Variants in FBXL17 observed in about 807,000 individuals in gnomAD.
The protein encoded by FBXL17 is F-box and leucine rich repeat protein 17, also known as F-box/LRR-repeat protein 17.
In FBXL17, 22 loss-of-function variants were observed where a neutral mutation model predicts 66.2. That is an observed-to-expected ratio of 0.33 (90% CI 0.24 to 0.47). The LOEUF (loss-of-function observed/expected upper bound fraction) is 0.47, where lower values mean the gene tolerates loss of function less well. Ranked by LOEUF, FBXL17 falls within the 20% of genes least tolerant of loss-of-function variation. FBXL17 has a pLI of 1.00. For missense variants in FBXL17, 878 were observed against 948.2 expected, an observed-to-expected ratio of 0.93 and a Z score of 0.97; for synonymous variants, 474 against 400.5, an observed-to-expected ratio of 1.18 and a Z score of -2.19.
intron 7 of FBXL17, among the ~76,000 whole-genome samples, chr5:107,890,357 T>TAAAA (rs397961122): frequency 7.1e-6 from 1 of 141,528 alleles, no homozygotes. Flanking sequence ...GGTCTCAGAT[T>TAAAA]AAAAAAAAAA....
intron 7 of FBXL17, among the ~76,000 whole-genome samples, chr5:107,902,819 G>GTT (rs199624265): frequency 1.4e-5 from 2 of 145,316 alleles, no homozygotes; most frequent in South Asian, 2.2e-4. Flanking sequence ...TGCACAAAGT[G>GTT]TTTTTTTTTT....
intron 6 of FBXL17, among the ~76,000 whole-genome samples, chr5:108,116,178 G>A (rs955694508): frequency 6.6e-6 from 1 of 152,152 alleles, no homozygotes; most frequent in Non-Finnish European, 1.5e-5. Flanking sequence ...AAGGAGCATA[G>A]TAAGGGTTTC....
In FBXL17 at chr5:108,381,113, G is replaced by A; in HGVS notation, c.579C>T (p.Pro193=). 7.6e-7 allele frequency: 1 copy of A among 1,310,538 alleles called. No homozygotes were observed. The highest frequency in any genetic ancestry group is 9.7e-7 in the Non-Finnish European group (1 of 1,031,270). The allele number at this position is 1,310,538 out of a possible 1,614,324, so 81.2% of individuals were successfully genotyped here. ...TPSPAELPTP[P]EMVCKRKGAG... ...CCCCCTTCCGCTTGCACACCATTTCGGGGGGCGTAGGGAGCTCGGCCGGTG... is the reference window on the plus strand; with the variant it reads ...CCCCCTTCCGCTTGCACACCATTTCAGGGGGCGTAGGGAGCTCGGCCGGTG... Residue 193 remains proline (P), a synonymous_variant, in exon 1 of 9, where the codon CCC becomes CCT. Transcript: ENST00000542267.
chr5:108,182,032 C>T (rs1753025349), intron 6 of FBXL17, among the ~76,000 whole-genome samples: 1 of 152,108 alleles, frequency 6.6e-6, no homozygotes, highest in Admixed American at 6.5e-5. Context: ...TGTAAAGTGC[C>T]TATCAATTAC....
At chr5:107,922,206 T>C (rs994499246) in intron 7 of FBXL17, among the ~76,000 whole-genome samples, 1 of 152,192 alleles carries the variant, frequency 6.6e-6, no homozygotes, top group Non-Finnish European at 1.5e-5. Context: ...GTCACTAATA[T>C]GTATGAAAGT....
intron 4 of FBXL17, among the ~76,000 whole-genome samples, chr5:108,276,896 C>A (rs1757503652): frequency 6.6e-6 from 1 of 151,908 alleles, no homozygotes; most frequent in South Asian, 2.1e-4. Context: ...AAAACATAAG[C>A]CAATGCATAC....
At chr5:108,197,220 G>A (rs1275560755) in intron 5 of FBXL17, among the ~76,000 whole-genome samples, 1 of 152,088 alleles carries the variant, frequency 6.6e-6, no homozygotes, top group Non-Finnish European at 1.5e-5. Context: ...TACCCAGCAG[G>A]AGCTAAGAAT....
intron 7 of FBXL17, among the ~76,000 whole-genome samples, chr5:107,936,009 C>A (rs1750897332): frequency 6.6e-6 from 1 of 152,142 alleles, no homozygotes; most frequent in Non-Finnish European, 1.5e-5. Context: ...AAACTTACAA[C>A]ACTCAGTCAA....
intron 3 of FBXL17, among the ~76,000 whole-genome samples, chr5:108,350,204 C>G (rs567178067): frequency 6.6e-6 from 1 of 152,272 alleles, no homozygotes; most frequent in East Asian, 1.9e-4. Flanking sequence ...GCTAAAAATA[C>G]TAGAATTCTT....
intron 6 of FBXL17, among the ~76,000 whole-genome samples, chr5:108,119,182 T>G (rs1054185849): frequency 2.2e-4 from 34 of 152,226 alleles, no homozygotes; most frequent in African/African-American, 7.7e-4. Context: ...AGCCTCTTAT[T>G]ACTCTTGTTA....
chr5:107,982,973 G>A (rs1752881139), intron 7 of FBXL17, among the ~76,000 whole-genome samples: 1 of 152,086 alleles, frequency 6.6e-6, no homozygotes, highest in South Asian at 2.1e-4. Flanking sequence ...TGGGGAGTTC[G>A]CTAAGATTTT....
At chr5:108,020,844 C>T in intron 7 of FBXL17, 81 bp downstream of exon 7, 2 of 1,000,594 alleles carry the variant, frequency 2.0e-6, no homozygotes, top group Admixed American at 1.7e-5. Flanking sequence ...TGATATAGTT[C>T]TTGATTTCTT....
intron 4 of FBXL17, among the ~76,000 whole-genome samples, chr5:108,321,788 AG>A (rs1759631647): frequency 6.6e-6 from 1 of 151,870 alleles, no homozygotes; most frequent in South Asian, 2.1e-4. Context: ...ATGACAAACA[AG>A]AAAAAAAATT....
chr5:108,281,905 C>T (rs1048359399), intron 4 of FBXL17, among the ~76,000 whole-genome samples: 1 of 151,516 alleles, frequency 6.6e-6, no homozygotes, highest in Non-Finnish European at 1.5e-5. Flanking sequence ...AACTAGAAAA[C>T]CCAGAGGAAA....
At chr5:108,063,506 T>C (rs1235410855) in intron 6 of FBXL17, among the ~76,000 whole-genome samples, 1 of 152,090 alleles carries the variant, frequency 6.6e-6, no homozygotes, top group Admixed American at 6.6e-5. Context: ...CTGCTGCAGC[T>C]CTCCCACCCT....
In FBXL17 at chr5:108,177,911, G is replaced by GTATATATATATATA. The variant is rs70996985; in HGVS notation, c.1745+8192_1745+8205dup. Among the ~76,000 whole-genome samples, 699 of 115,174 alleles carry GTATATATATATATA rather than the reference G, an allele frequency of 6.1e-3. 33 individuals carry two copies. In the East Asian group the frequency reaches 0.078, roughly 13 times the overall value. The allele number at this position is 115,174 out of a possible 152,430, so 75.6% of individuals were successfully genotyped here. A position where few individuals can be genotyped will look rare whatever the true frequency, so the allele number is the denominator to read the frequency against. On this transcript the variant is annotated intron_variant, in intron 6 of 8. Transcript: ENST00000542267. ...TTATCCTTGCTCCAGAAAAAAAAATGTATATATATATATATATATATACAC... is the reference window on the plus strand; with the variant it reads ...TTATCCTTGCTCCAGAAAAAAAAATGTATATATATATATATATATATATATATATATATATACAC...
At chr5:108,308,028 C>A (rs1758933394) in intron 4 of FBXL17, among the ~76,000 whole-genome samples, 1 of 151,970 alleles carries the variant, frequency 6.6e-6, no homozygotes. Flanking sequence ...ATGAATACTG[C>A]CTCACAGATT....
Position 108,382,004 on chromosome 5 carries a change from G to T in FBXL17, c.-313C>A. 5 of 1,151,706 alleles carry T rather than the reference G, an allele frequency of 4.3e-6. No homozygotes were observed. Among genetic ancestry groups the T allele is most frequent in the Non-Finnish European group, 5.4e-6 (5 of 932,514 alleles). 71.3% of individuals were successfully genotyped at this position (1,151,706 alleles called of 1,614,324 possible). A position where few individuals can be genotyped will look rare whatever the true frequency, so the allele number is the denominator to read the frequency against. The stretch of plus-strand genomic sequence containing the variant: ...CGACCAGTCCGGGCCCGGCCAGCCG[G>T]CTCAGTCAGTCAGCGGAGCGGCCGG... On this transcript the variant is annotated 5_prime_UTR_variant, in exon 1 of 9. Coordinates refer to ENST00000542267, the MANE Select transcript of FBXL17 (RefSeq NM_001163315.3).
At chr5:107,960,174 T>C (rs922528065) in intron 7 of FBXL17, among the ~76,000 whole-genome samples, 2 of 152,204 alleles carry the variant, frequency 1.3e-5, no homozygotes, top group African/African-American at 4.8e-5. Context: ...TATCCACGGT[T>C]CTAGGACACA....
Sources: allele counts gnomAD v4.1 joint callset (sites outside exome capture counted in the v4.1 genomes callset), GRCh38; gene constraint gnomAD v4.1.1; transcripts MANE v1.5; gene names NCBI Gene and HGNC (gene_info 2026-07-23, HGNC 2026-07-21).